The following ADARB1 variants were observed in gnomAD, a reference collection of about 807,000 sequenced individuals.
ADARB1 encodes the protein double-stranded RNA-specific editase 1.
A neutral mutation model predicts 52.4 loss-of-function variants in ADARB1; 10 were observed. The ratio of observed to expected loss-of-function variants is 0.19; its 90% CI spans 0.12 to 0.32. The LOEUF (loss-of-function observed/expected upper bound fraction) is 0.32. Among genes scored for constraint, ADARB1 ranks in the 10% least tolerant of loss-of-function variants. The pLI, the probability that ADARB1 is intolerant of heterozygous loss-of-function variation, is 1.00. For missense variants in ADARB1, 643 were observed against 922.3 expected (o/e 0.70, Z 3.92); for synonymous variants, 349 against 371.1 (o/e 0.94, Z 0.68).
In ADARB1 at chr21:45,224,246, A is replaced by T; in HGVS notation, c.*2049A>T. 1.0e-6 allele frequency: 1 copy of T among 985,408 alleles called. No individual in the cohort carries two copies. The highest frequency in any genetic ancestry group is 1.2e-6 in the Non-Finnish European group (1 of 829,944). 61.0% of individuals were successfully genotyped at this position (985,408 alleles called of 1,614,324 possible). ...TTAATATATTCCATATACATACAAA[A>T]CTACCCGGTATGTCTGGCTTTTCCC... On this transcript the variant is annotated 3_prime_UTR_variant, in exon 11 of 11. Coordinates refer to ENST00000348831, the MANE Select transcript of ADARB1 (RefSeq NM_001112.4).
intron 8 of ADARB1, among the ~76,000 whole-genome samples, chr21:45,203,179 G>C (rs2092596458): frequency 2.0e-5 from 3 of 152,030 alleles, no homozygotes; most frequent in Admixed American, 1.3e-4. Flanking sequence ...TCAAGCTCCT[G>C]GCTGCTTAGG....
At chr21:45,217,652 G>A (rs2092890923) in intron 9 of ADARB1, among the ~76,000 whole-genome samples, 3 of 151,780 alleles carry the variant, frequency 2.0e-5, no homozygotes, top group African/African-American at 4.8e-5. Context: ...CATTTCCAGG[G>A]CTCTTCATTC....
intron 8 of ADARB1, among the ~76,000 whole-genome samples, chr21:45,186,892 A>G (rs1242328062): frequency 6.6e-6 from 1 of 151,106 alleles, no homozygotes; most frequent in East Asian, 1.9e-4. Flanking sequence ...CCATATGTCT[A>G]TTCTTTATGC....
chr21:45,120,491 C>G (rs142108605), intron 1 of ADARB1, among the ~76,000 whole-genome samples: 125 of 152,300 alleles, frequency 8.2e-4, no homozygotes, highest in African/African-American at 2.9e-3. Flanking sequence ...TCCTGGCACT[C>G]GCTCAGGATC....
chr21:45,144,683 G>A, intron 2 of ADARB1: 1 of 452,150 alleles, frequency 2.2e-6, no homozygotes, highest in Non-Finnish European at 4.4e-6. Context: ...TACGTTGTGA[G>A]GGCATTGCTT....
At chr21:45,216,232 T>G (rs974686576) in intron 9 of ADARB1, among the ~76,000 whole-genome samples, 1 of 152,138 alleles carries the variant, frequency 6.6e-6, no homozygotes, top group Non-Finnish European at 1.5e-5. Flanking sequence ...AGCTGGAAGT[T>G]TTTCAATTCT....
chr21:45,195,455 T>G (rs2092403453), intron 8 of ADARB1, among the ~76,000 whole-genome samples: 1 of 152,182 alleles, frequency 6.6e-6, no homozygotes, highest in Admixed American at 6.6e-5. Flanking sequence ...GTGCCTTTGA[T>G]GTTACATCTG....
intron 1 of ADARB1, among the ~76,000 whole-genome samples, chr21:45,108,546 T>C (rs532979054): frequency 3.9e-5 from 6 of 152,330 alleles, no homozygotes; most frequent in South Asian, 2.1e-4. Flanking sequence ...CAAATTCTTA[T>C]GCACCTGCAT....
At chr21:45,160,850 A>G (rs2090926307) in intron 2 of ADARB1, among the ~76,000 whole-genome samples, 2 of 152,222 alleles carry the variant, frequency 1.3e-5, no homozygotes, top group South Asian at 4.1e-4. Flanking sequence ...TTGTGTTGTT[A>G]AGTAATCGAC....
At chr21:45,210,330 G>A (rs1569173961) in intron 9 of ADARB1, among the ~76,000 whole-genome samples, 1 of 152,150 alleles carries the variant, frequency 6.6e-6, no homozygotes, top group African/African-American at 2.4e-5. Context: ...ACGGTGATAG[G>A]GGATCTGGCT....
At chr21:45,080,411 C>T (rs1427627309) in intron 1 of ADARB1, among the ~76,000 whole-genome samples, 1 of 152,120 alleles carries the variant, frequency 6.6e-6, no homozygotes, top group Non-Finnish European at 1.5e-5. Context: ...CAGGGATGCT[C>T]AGCTCTAGAA....
Position 45,119,109 on chromosome 21 carries a change from A to T in ADARB1, c.-219-9293A>T, listed in dbSNP as rs144211659. Among the ~76,000 whole-genome samples, 282 of 152,302 alleles carry T rather than the reference A, an allele frequency of 1.9e-3. 1 individual carries two copies. Among genetic ancestry groups the T allele is most frequent in the African/African-American group, 6.5e-3 (272 of 41,556 alleles). The stretch of plus-strand genomic sequence containing the variant: ...AAGCCCTTTTAATTAATTAATTTAG[A>T]GGCAGGGTCTCGCTCTGTCACCCAG... On this transcript the variant is annotated intron_variant, in intron 1 of 10. Coordinates refer to ENST00000348831, the MANE Select transcript of ADARB1 (RefSeq NM_001112.4).
chr21:45,111,533 C>G (rs769546397), intron 1 of ADARB1, among the ~76,000 whole-genome samples: 1 of 152,166 alleles, frequency 6.6e-6, no homozygotes, highest in Non-Finnish European at 1.5e-5. Flanking sequence ...TGGGTTTGTA[C>G]ACATTTATGA....
Position 45,223,665 on chromosome 21 carries a change from C to T in ADARB1, c.*1468C>T. Reference sequence around the variant, plus strand: ...CACAGCGAAATCCAGGGTGTTGGCACCTGTGTGTCCGTGATGAGCCTAGGA... The same window carrying T: ...CACAGCGAAATCCAGGGTGTTGGCATCTGTGTGTCCGTGATGAGCCTAGGA... On this transcript the variant is annotated 3_prime_UTR_variant, in exon 11 of 11. Transcript: ENST00000348831. The T allele has an allele frequency of 3.0e-6, 3 of 985,588 alleles. No homozygotes were observed. Among genetic ancestry groups the T allele is most frequent in the Non-Finnish European group, 3.6e-6 (3 of 830,098 alleles). The allele number at this position is 985,588 out of a possible 1,614,324, so 61.1% of individuals were successfully genotyped here.
chr21:45,133,940 G>T (rs1424091124), intron 2 of ADARB1, among the ~76,000 whole-genome samples: 1 of 126,248 alleles, frequency 7.9e-6, no homozygotes, highest in Non-Finnish European at 1.7e-5. Context: ...CCCGACGGGG[G>T]TGTGTGCCCG....
chr21:45,098,604 G>A (rs1470144567), intron 1 of ADARB1, among the ~76,000 whole-genome samples: 2 of 152,212 alleles, frequency 1.3e-5, no homozygotes, highest in Non-Finnish European at 2.9e-5. Flanking sequence ...CCTAGCTGCA[G>A]TGCTGGGCCT....
intron 1 of ADARB1, among the ~76,000 whole-genome samples, chr21:45,088,017 A>G (rs776583043): frequency 1.3e-5 from 2 of 152,232 alleles, no homozygotes; most frequent in Non-Finnish European, 2.9e-5. Flanking sequence ...TGTCCCAGGA[A>G]GAAGTTACAA....
At chr21:45,146,602 T>C (rs1379668821) in intron 2 of ADARB1, among the ~76,000 whole-genome samples, 1 of 152,202 alleles carries the variant, frequency 6.6e-6, no homozygotes, top group Non-Finnish European at 1.5e-5. Flanking sequence ...AGCCCACTAT[T>C]GGGCTCAGCT....
intron 2 of ADARB1, among the ~76,000 whole-genome samples, chr21:45,136,429 A>G (rs188452580): frequency 7.9e-5 from 12 of 152,364 alleles, no homozygotes; most frequent in Admixed American, 2.0e-4. Flanking sequence ...AATAACGTCA[A>G]GTGGTGCAGA....
Sources: gnomAD v4.1 joint callset for allele counts (sites outside exome capture counted in the v4.1 genomes callset) on GRCh38, gnomAD v4.1.1 for gene constraint, MANE v1.5 for transcripts, NCBI Gene and HGNC (gene_info 2026-07-23, HGNC 2026-07-21) for gene names.